DOCK5: variants seen among roughly 807,000 people sequenced by gnomAD.
DOCK5 encodes the protein dedicator of cytokinesis 5.
In DOCK5, 142 loss-of-function variants were observed where a neutral mutation model predicts 251.8. That is an observed-to-expected ratio of 0.56 (90% CI 0.49 to 0.65). DOCK5 has a LOEUF of 0.65. Ranked by LOEUF, DOCK5 falls within the 30% of genes least tolerant of loss-of-function variation. The pLI is 0.00. For missense variants in DOCK5, 2,111 were observed against 2,312.3 expected, an observed-to-expected ratio of 0.91 and a Z score of 1.79; for synonymous variants, 842 against 835.5, an observed-to-expected ratio of 1.01 and a Z score of -0.13.
rs117589985 is a variant in DOCK5, at chr8:25,406,943, A to G, written c.5094-1040A>G. On this transcript the variant is annotated intron_variant, in intron 48 of 51. Coordinates refer to ENST00000276440, the MANE Select transcript of DOCK5 (RefSeq NM_024940.8). ...GCCTGGCTGTGTAATCTTTATTACT[A>G]TCAGCTTTTACCATCATTTTTGATG... 3.4e-3 allele frequency among the ~76,000 whole-genome samples: 519 copies of G among 152,256 alleles called. 3 individuals are homozygous for G. Among genetic ancestry groups the G allele is most frequent in the South Asian group, 0.028 (134 of 4,826 alleles).
chr8:25,326,806 A>T (rs1805574976), intron 18 of DOCK5, among the ~76,000 whole-genome samples: 1 of 152,232 alleles, frequency 6.6e-6, no homozygotes, highest in South Asian at 2.1e-4. Context: ...TGTAACAGGG[A>T]AATACTGGAA....
At chr8:25,365,526 A>G (rs1030485553) in intron 30 of DOCK5, among the ~76,000 whole-genome samples, 1 of 152,250 alleles carries the variant, frequency 6.6e-6, no homozygotes, top group Non-Finnish European at 1.5e-5. Flanking sequence ...AGGCTCAAGC[A>G]AGTAGCTCAA....
chr8:25,255,857 A>T (rs945788779), intron 2 of DOCK5, among the ~76,000 whole-genome samples: 9 of 152,202 alleles, frequency 5.9e-5, no homozygotes, highest in Non-Finnish European at 1.3e-4. Flanking sequence ...GCTATTAAAA[A>T]TTTTTAAGCA....
At chr8:25,372,453 A>G (rs2117286511) in intron 34 of DOCK5, 106 bp from the exon 35 acceptor site, 2 of 1,222,288 alleles carry the variant, frequency 1.6e-6, no homozygotes, top group Non-Finnish European at 2.2e-6. Context: ...GTTCTGTGTC[A>G]TCAAATCCTG....
At chr8:25,286,268 C>T (rs764865835) in intron 5 of DOCK5, among the ~76,000 whole-genome samples, 8 of 152,130 alleles carry the variant, frequency 5.3e-5, no homozygotes, top group Admixed American at 1.3e-4. Context: ...AAATTTGATT[C>T]AACGCCAACT....
At chr8:25,349,353 A>G (rs1800427275) in intron 26 of DOCK5, among the ~76,000 whole-genome samples, 1 of 152,232 alleles carries the variant, frequency 6.6e-6, no homozygotes, top group Admixed American at 6.5e-5. Context: ...TAGTATGACA[A>G]CTATGAAACA....
rs761902189 is a variant in DOCK5 at position 25,278,553 on chromosome 8, G to C, written c.225-16G>C. 3.7e-6 allele frequency: 6 copies of C among 1,613,386 alleles called. No homozygotes were observed. Among genetic ancestry groups the C allele is most frequent in the African/African-American group, 1.3e-5 (1 of 74,906 alleles). ...ATCAGCCTAGAAGAAAGTGACCCTC[G>C]TTTGGTTCTTTGTAGGCAGCATGAA... On this transcript the variant is annotated splice_polypyrimidine_tract_variant and intron_variant, in intron 4 of 51. Transcript: ENST00000276440.
chr8:25,409,587 G>A (rs4871939), intron 50 of DOCK5: 31,394 of 154,934 alleles, frequency 0.2, 3,752 homozygotes, highest in East Asian at 0.49. Flanking sequence ...GGTAGCTCAC[G>A]CCTGTAATCC....
intron 46 of DOCK5, 113 bp from the exon 47 acceptor site, chr8:25,400,816 C>T (rs1368609794): frequency 7.5e-5 from 91 of 1,218,202 alleles, no homozygotes; most frequent in Non-Finnish European, 8.3e-5. Context: ...TCCCATTGGC[C>T]AGCACTATGT....
chr8:25,364,737 A>G lies in DOCK5; in HGVS notation c.3123+33A>G, dbSNP rs771364391. ...TGTGACTCACCTACCTGCTTCTAGA[A>G]TTCTTGGCCATGGCAAGAGAACTAT... On this transcript the variant is annotated intron_variant, in intron 30 of 51. Transcript: ENST00000276440. 22 of 1,481,526 alleles carry G rather than the reference A, an allele frequency of 1.5e-5. No individual in the cohort carries two copies. In the East Asian group the frequency reaches 5.2e-4, roughly 35 times the overall value. 91.8% of individuals were successfully genotyped at this position (1,481,526 alleles called of 1,614,324 possible).
At position 25,221,104 on chromosome 8, in the gene DOCK5, G is replaced by A. The variant is rs140087825; in HGVS notation, c.44-22570G>A. On this transcript the variant is annotated intron_variant, in intron 1 of 51. Transcript: ENST00000276440. ...CTACCTATATCACTTTATTTCTACA[G>A]TTCATTTTTCAGTCCCCCCCATTGT... Among the ~76,000 whole-genome samples, 399 of 152,122 alleles carry A rather than the reference G, an allele frequency of 2.6e-3. 2 individuals carry two copies. Among genetic ancestry groups the A allele is most frequent in the Non-Finnish European group, 4.2e-3 (283 of 67,994 alleles).
At chr8:25,329,119 A>G (rs553069094) in intron 18 of DOCK5, among the ~76,000 whole-genome samples, 261 of 152,278 alleles carry the variant, frequency 1.7e-3, no homozygotes, top group Non-Finnish European at 3.2e-3. Context: ...CTTTAAAAGT[A>G]TGTGTTCTTA....
intron 46 of DOCK5, 50 bp downstream of exon 46, chr8:25,400,044 A>G: frequency 2.1e-6 from 3 of 1,461,052 alleles, no homozygotes; most frequent in Non-Finnish European, 2.9e-6. Context: ...AGTGTGGGAC[A>G]CCCATTATTC....
intron 44 of DOCK5, among the ~76,000 whole-genome samples, chr8:25,394,161 C>T (rs933457815): frequency 6.6e-6 from 1 of 152,174 alleles, no homozygotes; most frequent in Admixed American, 6.5e-5. Context: ...TTGGAGGTTA[C>T]AGTGAGCTGT....
chr8:25,377,445 G>T, intron 38 of DOCK5, 21 bp downstream of exon 38: 3 of 1,609,542 alleles, frequency 1.9e-6, no homozygotes, highest in Admixed American at 3.4e-5. Flanking sequence ...GATTGTTTTT[G>T]TACTAGGGGA....
intron 1 of DOCK5, among the ~76,000 whole-genome samples, chr8:25,212,366 C>T (rs1387403636): frequency 1.4e-5 from 1 of 70,796 alleles, no homozygotes; most frequent in Admixed American, 1.6e-4. Flanking sequence ...TACACTTGAA[C>T]TGTCTGTGTT....
chr8:25,345,566 G>T lies in DOCK5; in HGVS notation c.2709G>T (p.Ser903=), dbSNP rs752507034. 1 of 1,613,884 alleles carries T rather than the reference G, an allele frequency of 6.2e-7. No homozygotes were observed. Among genetic ancestry groups the T allele is most frequent in the Non-Finnish European group, 8.5e-7 (1 of 1,179,876 alleles). ...NSNKPDHEAS[S]QLLSNILEVL... The stretch of plus-strand genomic sequence containing the variant: ...ACAAGCCTGACCACGAGGCAAGCTC[G>T]CAGCTTCTGAGCAACATCCTGGAGG... The change falls in exon 26 of 52, where the codon TCG becomes TCT. Residue 903 remains serine (S), a synonymous_variant. Coordinates refer to ENST00000276440, the MANE Select transcript of DOCK5 (RefSeq NM_024940.8).
chr8:25,259,612 C>T lies in DOCK5; in HGVS notation c.128-9233C>T, dbSNP rs529858384. 4.6e-5 allele frequency among the ~76,000 whole-genome samples: 7 copies of T among 152,206 alleles called. 1 individual carries two copies. In the South Asian group the frequency reaches 8.3e-4, roughly 18 times the overall value. On this transcript the variant is annotated intron_variant, in intron 2 of 51. Transcript: ENST00000276440. ...TTGGGACTACAGGCATACATCATCA[C>T]CAGGCCTGGCTGATTTAAAAAAAAT...
At chr8:25,354,064 AC>A (rs1174951446) in intron 27 of DOCK5, among the ~76,000 whole-genome samples, 7 of 136,614 alleles carry the variant, frequency 5.1e-5, no homozygotes, top group African/African-American at 1.6e-4. Context: ...AAAAAAAAAA[AC>A]GTAGGAGAGA....
Sources: gnomAD v4.1 joint callset for allele counts (sites outside exome capture counted in the v4.1 genomes callset) on GRCh38, gnomAD v4.1.1 for gene constraint, MANE v1.5 for transcripts, NCBI Gene and HGNC (gene_info 2026-07-23, HGNC 2026-07-21) for gene names.